DLC1: variants seen among roughly 807,000 people sequenced by gnomAD.
DLC1 encodes the protein DLC1 Rho GTPase activating protein.
Under a neutral mutation model 140.3 loss-of-function variants are expected in DLC1, and 54 were observed. That is an observed-to-expected ratio of 0.38 (90% CI 0.31 to 0.48). DLC1 has a LOEUF of 0.48. Ranked by LOEUF, DLC1 falls within the 20% of genes least tolerant of loss-of-function variation. The probability of loss-of-function intolerance (pLI) is 0.96; values close to 1 mark genes in which losing one functional copy is unlikely to be tolerated. For missense variants in DLC1, 2,536 were observed against 1,907.0 expected, an observed-to-expected ratio of 1.33 and a Z score of -6.14; for synonymous variants, 986 against 728.1, an observed-to-expected ratio of 1.35 and a Z score of -5.70.
intron 3 of DLC1, among the ~76,000 whole-genome samples, chr8:13,396,928 T>G (rs983934805): frequency 5.3e-5 from 8 of 152,150 alleles, no homozygotes; most frequent in South Asian, 2.1e-4. Flanking sequence ...ACTCATAATT[T>G]CCCTGTTACC....
chr8:13,461,283 T>A lies in DLC1; in HGVS notation c.1023+37766A>T, dbSNP rs571347351. 9.8e-5 allele frequency among the ~76,000 whole-genome samples: 15 copies of A among 152,358 alleles called. No homozygotes were observed. In the South Asian group the frequency reaches 3.1e-3, roughly 32 times the overall value. On this transcript the variant is annotated intron_variant, in intron 2 of 17. Coordinates refer to ENST00000276297, the MANE Select transcript of DLC1 (RefSeq NM_182643.3). ...AAGCTACCATGCCAGGGTATTTGTATCCCATACCAATGTGTCTTATGGAGA... is the reference window on the plus strand; with the variant it reads ...AAGCTACCATGCCAGGGTATTTGTAACCCATACCAATGTGTCTTATGGAGA...
At chr8:13,453,460 GTA>G (rs1257878047) in intron 2 of DLC1, among the ~76,000 whole-genome samples, 1 of 23,206 alleles carries the variant, frequency 4.3e-5, no homozygotes, top group Admixed American at 6.3e-4. Flanking sequence ...ATATATATAT[GTA>G]TATATATACA....
chr8:13,264,052 T>TTTTTTTTATTTATTTATTTATTTA (rs1554484714), intron 5 of DLC1, among the ~76,000 whole-genome samples: 2 of 143,034 alleles, frequency 1.4e-5, no homozygotes, highest in African/African-American at 5.2e-5. Context: ...ATAAGAAGCT[T>TTTTTTTTATTTATTTATTTATTTA]TTTATTTATT....
intron 1 of DLC1, among the ~76,000 whole-genome samples, chr8:13,561,637 T>G (rs540927030): frequency 1.3e-5 from 2 of 152,326 alleles, no homozygotes; most frequent in Non-Finnish European, 2.9e-5. Flanking sequence ...CATCTGTCTA[T>G]TCATTTACCT....
At chr8:13,297,775 G>A (rs998678112) in intron 5 of DLC1, among the ~76,000 whole-genome samples, 5 of 152,142 alleles carry the variant, frequency 3.3e-5, no homozygotes, top group Non-Finnish European at 5.9e-5. Flanking sequence ...ATCTTGGAGC[G>A]TGGCTCAGAG....
chr8:13,207,135 C>G (rs971166379), intron 5 of DLC1, among the ~76,000 whole-genome samples: 17 of 152,242 alleles, frequency 1.1e-4, no homozygotes, highest in African/African-American at 3.4e-4. Context: ...TATTAAAACT[C>G]ATACACAAAT....
intron 4 of DLC1, among the ~76,000 whole-genome samples, chr8:13,314,645 C>T (rs1034894050): frequency 1.4e-4 from 22 of 152,178 alleles, no homozygotes; most frequent in Admixed American, 2.6e-4. Context: ...CTCACCATTT[C>T]ATAACATCCA....
At chr8:13,182,992 C>T (rs192376030) in intron 5 of DLC1, among the ~76,000 whole-genome samples, 6 of 152,238 alleles carry the variant, frequency 3.9e-5, no homozygotes, top group Admixed American at 1.3e-4. Flanking sequence ...TCTTTTATTT[C>T]GTTGAGCAGT....
chr8:13,301,746 G>A (rs1832202270), intron 5 of DLC1, among the ~76,000 whole-genome samples: 1 of 152,260 alleles, frequency 6.6e-6, no homozygotes, highest in Non-Finnish European at 1.5e-5. Flanking sequence ...GTGGGCAAGC[G>A]AACATTACCG....
At chr8:13,481,533 T>C (rs1043610103) in intron 2 of DLC1, among the ~76,000 whole-genome samples, 2 of 152,120 alleles carry the variant, frequency 1.3e-5, no homozygotes, top group Non-Finnish European at 2.9e-5. Flanking sequence ...AAAAAAGACA[T>C]AAATAATAAA....
chr8:13,351,290 C>T (rs374556462), intron 4 of DLC1, among the ~76,000 whole-genome samples: 5 of 152,182 alleles, frequency 3.3e-5, no homozygotes, highest in East Asian at 1.9e-4. Flanking sequence ...GATGAAGACA[C>T]TGAAGCACAA....
chr8:13,234,238 C>A (rs1829182912), intron 5 of DLC1, among the ~76,000 whole-genome samples: 1 of 152,068 alleles, frequency 6.6e-6, no homozygotes, highest in Non-Finnish European at 1.5e-5. Context: ...AAGGCCAAGT[C>A]AAGATAGATC....
intron 5 of DLC1, among the ~76,000 whole-genome samples, chr8:13,263,752 A>G (rs1011690665): frequency 6.6e-6 from 1 of 151,342 alleles, no homozygotes; most frequent in African/African-American, 2.4e-5. Flanking sequence ...ACAGCATTTG[A>G]AAAATTATTT....
intron 1 of DLC1, among the ~76,000 whole-genome samples, chr8:13,543,315 A>G (rs778205550): frequency 3.9e-5 from 6 of 152,168 alleles, no homozygotes; most frequent in African/African-American, 7.2e-5. Flanking sequence ...TGATATTTGT[A>G]TTGTCAGTTT....
chr8:13,325,543 T>G (rs1200953482), intron 4 of DLC1, among the ~76,000 whole-genome samples: 1 of 152,128 alleles, frequency 6.6e-6, no homozygotes, highest in Admixed American at 6.6e-5. Context: ...GAGTGGGTAG[T>G]TTCTGAAGCC....
intron 5 of DLC1, among the ~76,000 whole-genome samples, chr8:13,217,863 AC>A (rs1242218330): frequency 1.3e-5 from 2 of 151,602 alleles, no homozygotes; most frequent in African/African-American, 4.9e-5. Flanking sequence ...ACAAAAAAAA[AC>A]CAACCAACTA....
intron 5 of DLC1, among the ~76,000 whole-genome samples, chr8:13,219,288 TTA>T (rs1157328857): frequency 2.3e-5 from 3 of 132,970 alleles, no homozygotes; most frequent in African/African-American, 5.4e-5. Flanking sequence ...ATGAATATAA[TTA>T]TATAGTTATA....
rs1053476239 is a variant in DLC1 at position 13,232,160 on chromosome 8, C to T, written c.1348+73109G>A. ...TAGGGTCAGTGGCAAAACAATGTCA[C>T]GAAGGGAATGATCAGGCTTGAAGCA... On this transcript the variant is annotated intron_variant, in intron 5 of 17. Transcript: ENST00000276297. Among the ~76,000 whole-genome samples the T allele has an allele frequency of 5.3e-5, 8 of 152,186 alleles. No homozygotes were observed. The South Asian group carries it at 6.2e-4, about 12-fold the overall frequency.
rs1836879321 is a variant in DLC1, at chr8:13,393,710, G to A, written c.1174-17C>T. 1.9e-6 allele frequency: 3 copies of A among 1,608,782 alleles called. No homozygotes were observed. The highest frequency in any genetic ancestry group is 2.7e-5 in the African/African-American group (2 of 74,934). On this transcript the variant is annotated splice_polypyrimidine_tract_variant and intron_variant, in intron 3 of 17. Transcript: ENST00000276297. The stretch of plus-strand genomic sequence containing the variant: ...TTCCAGATCCTATTAAAAAACAAAT[G>A]CACTGGTATGAAGGACATGTGAATG...
Sources: gnomAD v4.1 joint callset for allele counts (sites outside exome capture counted in the v4.1 genomes callset) on GRCh38, gnomAD v4.1.1 for gene constraint, MANE v1.5 for transcripts, NCBI Gene and HGNC (gene_info 2026-07-23, HGNC 2026-07-21) for gene names.